Variants in ERMP1 observed in about 807,000 individuals in gnomAD.
The protein encoded by ERMP1 is endoplasmic reticulum metallopeptidase 1.
A neutral mutation model predicts 92.0 loss-of-function variants in ERMP1; 86 were observed. The ratio of observed to expected loss-of-function variants is 0.93; its 90% CI spans 0.79 to 1.12. ERMP1 has a LOEUF of 1.12. Ranked by LOEUF, ERMP1 falls within the 50% of genes most tolerant of loss-of-function variation. The pLI, the probability that ERMP1 is intolerant of heterozygous loss-of-function variation, is 0.00. For missense variants in ERMP1, 1,342 were observed against 1,116.3 expected (o/e 1.20, Z -2.88); for synonymous variants, 530 against 412.8 (o/e 1.28, Z -3.44).
intron 4 of ERMP1, among the ~76,000 whole-genome samples, chr9:5,818,304 G>C (rs556726308): frequency 6.6e-6 from 1 of 152,258 alleles, no homozygotes; most frequent in Non-Finnish European, 1.5e-5. Context: ...AGGTATGTCT[G>C]CATGCAAATG....
intron 13 of ERMP1, among the ~76,000 whole-genome samples, chr9:5,788,696 T>C (rs1279901574): frequency 6.6e-6 from 1 of 151,982 alleles, no homozygotes; most frequent in Non-Finnish European, 1.5e-5. Flanking sequence ...AGAAAATTCC[T>C]CTTGGAAAAA....
At chr9:5,807,518 G>T (rs1432520789) in intron 8 of ERMP1, among the ~76,000 whole-genome samples, 1 of 152,184 alleles carries the variant, frequency 6.6e-6, no homozygotes, top group Non-Finnish European at 1.5e-5. Context: ...GGCCGAGGTG[G>T]GAGGATCACT....
chr9:5,840,419 A>C (rs1830147918), intron 6 of ERMP1, among the ~76,000 whole-genome samples: 1 of 152,170 alleles, frequency 6.6e-6, no homozygotes, highest in Admixed American at 6.5e-5. Flanking sequence ...ATGTCCAAGA[A>C]GGATGTAGGC....
Position 5,787,275 on chromosome 9 carries a change from C to T in ERMP1, c.2584G>A (p.Val862Met), listed in dbSNP as rs551188786. ...GACAGATAGTGGGCAGCAATGGCCACGGTGACCATTCCTTCAGGATGTTCT... is the reference window on the plus strand; with the variant it reads ...GACAGATAGTGGGCAGCAATGGCCATGGTGACCATTCCTTCAGGATGTTCT... ...SEEHPEGMVT[V>M]AIAAHYLSGE... Residue 862 changes from valine to methionine, a missense_variant, in exon 15 of 15, where the codon GTG (valine) becomes ATG (methionine). Transcript: ENST00000339450. 9.3e-6 allele frequency: 15 copies of T among 1,613,684 alleles called. No homozygotes were observed. The highest frequency in any genetic ancestry group is 1.7e-5 in the Admixed American group (1 of 59,926).
intron 5 of ERMP1, among the ~76,000 whole-genome samples, chr9:5,865,579 T>A (rs1263488583): frequency 6.6e-6 from 1 of 151,312 alleles, no homozygotes; most frequent in Non-Finnish European, 1.5e-5. Flanking sequence ...ACGCCTGTAA[T>A]CCCAACACTT....
At chr9:5,796,781 G>A (rs753611561) in intron 13 of ERMP1, among the ~76,000 whole-genome samples, 1 of 152,138 alleles carries the variant, frequency 6.6e-6, no homozygotes, top group Non-Finnish European at 1.5e-5. Context: ...AATCTATTCT[G>A]TATGATACTG....
intron 5 of ERMP1, among the ~76,000 whole-genome samples, chr9:5,864,257 G>A (rs1830585207): frequency 6.6e-6 from 1 of 152,154 alleles, no homozygotes; most frequent in African/African-American, 2.4e-5. Flanking sequence ...CTCTGGGTGA[G>A]GAGTGTTCTG....
At chr9:5,800,604 G>A (rs548367676) in intron 11 of ERMP1, among the ~76,000 whole-genome samples, 2 of 152,118 alleles carry the variant, frequency 1.3e-5, no homozygotes, top group East Asian at 3.9e-4. Flanking sequence ...TGAACCGAGG[G>A]GGCAGAGGTT....
chr9:5,831,741 G>A (rs1402436025), intron 1 of ERMP1, among the ~76,000 whole-genome samples: 1 of 152,198 alleles, frequency 6.6e-6, no homozygotes, highest in African/African-American at 2.4e-5. Flanking sequence ...CAAGTCAAGA[G>A]GTTAAATAAG....
At chr9:5,813,616 T>C (rs1162289443) in intron 4 of ERMP1, among the ~76,000 whole-genome samples, 1 of 152,090 alleles carries the variant, frequency 6.6e-6, no homozygotes, top group Non-Finnish European at 1.5e-5. Flanking sequence ...ATGTCAGTGC[T>C]CAAAAAGTTG....
intron 2 of ERMP1, among the ~76,000 whole-genome samples, chr9:5,829,967 G>A (rs769143319): frequency 3.9e-5 from 6 of 152,122 alleles, no homozygotes; most frequent in African/African-American, 7.2e-5. Flanking sequence ...AATATATACT[G>A]CATCAGGCAC....
At position 5,827,047 on chromosome 9, in the gene ERMP1, C is replaced by A. The variant is rs1829754521; in HGVS notation, c.641-1828G>T. 2.0e-5 allele frequency among the ~76,000 whole-genome samples: 3 copies of A among 152,136 alleles called. No homozygotes were observed. The South Asian group carries it at 6.2e-4, about 32-fold the overall frequency. Reference sequence around the variant, plus strand: ...TTAACCTTGAAATTGAAGCCACCCCCAAAATAACTCAATGCCTCTTCTACC... The same window carrying A: ...TTAACCTTGAAATTGAAGCCACCCCAAAAATAACTCAATGCCTCTTCTACC... On this transcript the variant is annotated intron_variant, in intron 2 of 14. Coordinates refer to ENST00000339450, the MANE Select transcript of ERMP1 (RefSeq NM_024896.3).
chr9:5,823,934 G>T lies in ERMP1; in HGVS notation c.836C>A (p.Ala279Glu). 1.2e-6 allele frequency: 2 copies of T among 1,614,012 alleles called. No homozygotes were observed. Among genetic ancestry groups the T allele is most frequent in the Non-Finnish European group, 1.7e-6 (2 of 1,179,924 alleles). The change falls in exon 4 of 15, where the codon GCA (alanine) becomes GAA (glutamate). Residue 279 changes from alanine to glutamate, a missense_variant. Coordinates refer to ENST00000339450, the MANE Select transcript of ERMP1 (RefSeq NM_024896.3). ...SLIRAFINLE[A>E]AGVGGKELVF... ...AAGTTCTTTCCCTCCTACACCTGCT[G>T]CCTCTAGGTTAATGAATGCACGAAT...
chr9:5,801,567 T>C (rs1828674365), intron 10 of ERMP1, among the ~76,000 whole-genome samples: 1 of 152,212 alleles, frequency 6.6e-6, no homozygotes, highest in Non-Finnish European at 1.5e-5. Flanking sequence ...TGCCACCTTT[T>C]TGGCATGCAG....
At chr9:5,810,816 A>C (rs973963135) in intron 7 of ERMP1, among the ~76,000 whole-genome samples, 4 of 152,202 alleles carry the variant, frequency 2.6e-5, no homozygotes, top group African/African-American at 9.6e-5. Flanking sequence ...ATTGGTCTGT[A>C]GTGTGGACTT....
At chr9:5,797,226 G>C (rs1328250546) in intron 13 of ERMP1, among the ~76,000 whole-genome samples, 1 of 151,208 alleles carries the variant, frequency 6.6e-6, no homozygotes, top group East Asian at 1.9e-4. Context: ...TAATTTTGTA[G>C]AGACGGGATG....
At chr9:5,804,474 C>T (rs1828794761) in intron 10 of ERMP1, among the ~76,000 whole-genome samples, 1 of 152,126 alleles carries the variant, frequency 6.6e-6, no homozygotes, top group Admixed American at 6.5e-5. Flanking sequence ...ACTGACAAGG[C>T]CTGTGATCAT....
At chr9:5,833,164 C>T (rs1353691341), upstream of ERMP1, 6 of 787,144 alleles carry the variant, frequency 7.6e-6, no homozygotes, top group Admixed American at 2.1e-4. Flanking sequence ...TCTGATTGGC[C>T]CGTCCCGCCG....
At chr9:5,818,871 T>C (rs1829421415) in intron 4 of ERMP1, among the ~76,000 whole-genome samples, 1 of 152,216 alleles carries the variant, frequency 6.6e-6, no homozygotes, top group South Asian at 2.1e-4. Context: ...ACATTCTCAC[T>C]AACAGTGTAT....
Sources: allele counts gnomAD v4.1 joint callset (sites outside exome capture counted in the v4.1 genomes callset), GRCh38; gene constraint gnomAD v4.1.1; transcripts MANE v1.5; gene names NCBI Gene and HGNC (gene_info 2026-07-23, HGNC 2026-07-21).